The following INPP4B variants were observed in gnomAD, a reference collection of about 807,000 sequenced individuals.
INPP4B encodes inositol polyphosphate 4-phosphatase type II.
INPP4B carries 55 observed loss-of-function variants against 122.5 expected under a neutral mutation model. The ratio of observed to expected loss-of-function variants is 0.45; its 90% CI spans 0.36 to 0.56. The LOEUF (loss-of-function observed/expected upper bound fraction) is 0.56, where lower values mean the gene tolerates loss of function less well. INPP4B is among the 20% of genes least tolerant of loss of function. The pLI is 0.00. For synonymous variants in INPP4B, 403 were observed against 388.7 expected (o/e 1.04, Z -0.43); for missense variants, 1,000 against 1,097.7 (o/e 0.91, Z 1.26).
intron 14 of INPP4B, among the ~76,000 whole-genome samples, chr4:142,203,148 C>T (rs896265765): frequency 6.6e-6 from 1 of 152,052 alleles, no homozygotes; most frequent in East Asian, 1.9e-4. Context: ...GCACTGTGAT[C>T]ACTCAAGCAG....
intron 7 of INPP4B, among the ~76,000 whole-genome samples, chr4:142,366,334 C>CAA (rs3049117): frequency 0.3 from 43,563 of 144,432 alleles, 7,823 homozygotes; most frequent in South Asian, 0.46. Flanking sequence ...TTGTTGCTCA[C>CAA]AAAAAAAAAA....
intron 23 of INPP4B, among the ~76,000 whole-genome samples, chr4:142,087,174 T>C (rs9996933): frequency 0.25 from 38,166 of 152,048 alleles, 4,862 homozygotes; most frequent in East Asian, 0.3. Flanking sequence ...ACAGTAAAAA[T>C]GGCCTTCAGA....
chr4:142,033,894 T>C (rs896843611), intron 25 of INPP4B, among the ~76,000 whole-genome samples: 1 of 152,058 alleles, frequency 6.6e-6, no homozygotes, highest in African/African-American at 2.4e-5. Flanking sequence ...CTCGAACTCC[T>C]AGGCTCAAGC....
At chr4:142,680,805 G>T (rs889450801) in intron 2 of INPP4B, among the ~76,000 whole-genome samples, 1 of 151,802 alleles carries the variant, frequency 6.6e-6, no homozygotes, top group Non-Finnish European at 1.5e-5. Flanking sequence ...CTTAGGACTA[G>T]GTTCTTGAAA....
intron 2 of INPP4B, among the ~76,000 whole-genome samples, chr4:142,644,229 AAGG>A (rs1453393780): frequency 6.9e-6 from 1 of 144,566 alleles, no homozygotes; most frequent in African/African-American, 2.5e-5. Flanking sequence ...ATAAAATAAG[AAGG>A]AGAAGGAGGA....
intron 2 of INPP4B, among the ~76,000 whole-genome samples, chr4:142,485,503 ACT>A (rs1821094700): frequency 6.6e-6 from 1 of 152,036 alleles, no homozygotes; most frequent in Admixed American, 6.6e-5. Flanking sequence ...TAGTTCAGAG[ACT>A]CTATCTACTT....
chr4:142,841,709 A>G (rs1783514491), intron 1 of INPP4B, among the ~76,000 whole-genome samples: 1 of 151,946 alleles, frequency 6.6e-6, no homozygotes, highest in Non-Finnish European at 1.5e-5. Context: ...AAATATATAA[A>G]TAAATGATCT....
intron 2 of INPP4B, among the ~76,000 whole-genome samples, chr4:142,592,741 C>T (rs1029007996): frequency 6.6e-6 from 1 of 151,972 alleles, no homozygotes; most frequent in Admixed American, 6.6e-5. Context: ...TCAGGAAAGA[C>T]CTTGAAATAA....
intron 14 of INPP4B, among the ~76,000 whole-genome samples, chr4:142,196,361 T>G (rs1337040443): frequency 6.6e-6 from 1 of 152,162 alleles, no homozygotes; most frequent in African/African-American, 2.4e-5. Flanking sequence ...TGGGCACATC[T>G]GAGTGTCAAA....
intron 7 of INPP4B, among the ~76,000 whole-genome samples, chr4:142,350,761 T>C (rs1781706784): frequency 6.6e-6 from 1 of 152,038 alleles, no homozygotes; most frequent in African/African-American, 2.4e-5. Flanking sequence ...AAATTATACT[T>C]TACTTTTGTC....
chr4:142,730,870 C>T (rs1484309226), intron 1 of INPP4B, among the ~76,000 whole-genome samples: 1 of 152,216 alleles, frequency 6.6e-6, no homozygotes, highest in East Asian at 1.9e-4. Context: ...TGTAGGTAGA[C>T]AGCGTTGACT....
At chr4:142,628,558 A>T (rs1489582103) in intron 2 of INPP4B, among the ~76,000 whole-genome samples, 4 of 17,822 alleles carry the variant, frequency 2.2e-4, no homozygotes, top group Non-Finnish European at 2.9e-4. Context: ...AACTTAAAGT[A>T]AAAAAAAAAA....
chr4:142,360,983 C>CTT (rs1785194883), intron 7 of INPP4B, among the ~76,000 whole-genome samples: 1 of 151,808 alleles, frequency 6.6e-6, no homozygotes, highest in East Asian at 1.9e-4. Context: ...ATTGTTTGCT[C>CTT]TTTGAGTGTC....
At chr4:142,695,631 C>T (rs1760920773) in intron 2 of INPP4B, among the ~76,000 whole-genome samples, 1 of 152,070 alleles carries the variant, frequency 6.6e-6, no homozygotes, top group African/African-American at 2.4e-5. Context: ...GATGTTCCAT[C>T]ATGTTGTTAG....
At chr4:142,661,402 G>T (rs1410284154) in intron 2 of INPP4B, among the ~76,000 whole-genome samples, 2 of 152,176 alleles carry the variant, frequency 1.3e-5, no homozygotes, top group Non-Finnish European at 2.9e-5. Context: ...GAAGAAATGA[G>T]CTTAATTACA....
intron 25 of INPP4B, among the ~76,000 whole-genome samples, chr4:142,031,017 C>G (rs1202600716): frequency 6.6e-6 from 1 of 151,944 alleles, no homozygotes; most frequent in Non-Finnish European, 1.5e-5. Flanking sequence ...AGAGTGATAC[C>G]ACAGAAAATA....
chr4:142,060,455 C>G (rs1253935558), intron 25 of INPP4B, among the ~76,000 whole-genome samples: 1 of 152,160 alleles, frequency 6.6e-6, no homozygotes, highest in Non-Finnish European at 1.5e-5. Context: ...ATTTATTACA[C>G]AGTGAGACAA....
chr4:142,247,875 C>G (rs1406072983), intron 11 of INPP4B, among the ~76,000 whole-genome samples: 2 of 152,198 alleles, frequency 1.3e-5, no homozygotes, highest in Admixed American at 1.3e-4. Flanking sequence ...ATTTGAAAAT[C>G]TTTCTCAAAG....
intron 2 of INPP4B, among the ~76,000 whole-genome samples, chr4:142,594,847 C>T (rs537629005): frequency 2.0e-5 from 3 of 148,476 alleles, no homozygotes; most frequent in African/African-American, 5.0e-5. Context: ...CCCAGCTACT[C>T]GGGAGGTTGA....
Sources: gnomAD v4.1 joint callset for allele counts (sites outside exome capture counted in the v4.1 genomes callset) on GRCh38, gnomAD v4.1.1 for gene constraint, MANE v1.5 for transcripts, NCBI Gene and HGNC (gene_info 2026-07-23, HGNC 2026-07-21) for gene names.